TAFA5: variants seen among roughly 807,000 people sequenced by gnomAD.
The protein encoded by TAFA5 is TAFA chemokine like family member 5, also known as chemokine-like protein TAFA-5.
TAFA5 carries 6 observed loss-of-function variants against 15.3 expected under a neutral mutation model. The ratio of observed to expected loss-of-function variants is 0.39; its 90% CI spans 0.21 to 0.77. The LOEUF (loss-of-function observed/expected upper bound fraction) is 0.77, where lower values mean the gene tolerates loss of function less well. Among genes scored for constraint, TAFA5 ranks in the 30% least tolerant of loss-of-function variants. The pLI is 0.41. For missense variants in TAFA5, 161 were observed against 193.1 expected (o/e 0.83, Z 0.98); for synonymous variants, 103 against 80.7 (o/e 1.28, Z -1.48).
chr22:48,690,328 T>TG (rs1487643241), intron 2 of TAFA5, among the ~76,000 whole-genome samples: 5 of 151,792 alleles, frequency 3.3e-5, no homozygotes, highest in Admixed American at 1.3e-4. Context: ...TTCCAGAAAG[T>TG]GGGTCTGGGT....
At chr22:48,558,266 A>G (rs189974338) in intron 1 of TAFA5, among the ~76,000 whole-genome samples, 3 of 152,334 alleles carry the variant, frequency 2.0e-5, no homozygotes, top group African/African-American at 4.8e-5. Context: ...CCGGCAAATC[A>G]TCGTCTGCTT....
intron 2 of TAFA5, among the ~76,000 whole-genome samples, chr22:48,707,465 C>T (rs130146): frequency 0.66 from 99,959 of 152,026 alleles, 33,403 homozygotes; most frequent in Non-Finnish European, 0.72. Context: ...CTCTAGCTCC[C>T]TCGATCATTG....
Position 48,546,745 on chromosome 22 carries a change from G to A in TAFA5, c.112+57041G>A, listed in dbSNP as rs1922687421. Reference sequence around the variant, plus strand: ...ATGTTCCACACTCAAATGCCCCTCTGCAGTTCTGGAAAGGCTCACTAGGCC... The same window carrying A: ...ATGTTCCACACTCAAATGCCCCTCTACAGTTCTGGAAAGGCTCACTAGGCC... On this transcript the variant is annotated intron_variant, in intron 1 of 3. Coordinates refer to ENST00000402357, the MANE Select transcript of TAFA5 (RefSeq NM_001082967.3). 12 of 379,254 alleles carry A rather than the reference G, an allele frequency of 3.2e-5. 2 individuals carry two copies. The highest frequency in any genetic ancestry group is 2.4e-4 in the South Asian group (12 of 50,852). The allele number at this position is 379,254 out of a possible 1,614,324, so 23.5% of individuals were successfully genotyped here.
rs531568240 is a variant in TAFA5 at position 48,722,953 on chromosome 22, G to C, written c.390+15109G>C. On this transcript the variant is annotated intron_variant, in intron 3 of 3. Coordinates refer to ENST00000402357, the MANE Select transcript of TAFA5 (RefSeq NM_001082967.3). ...CCAGAAAGCCACGGAGGCTTCTATG[G>C]ACTTGCAGGGGAGCCCGTCTTCTCC... Among the ~76,000 whole-genome samples, 5 of 152,326 alleles carry C rather than the reference G, an allele frequency of 3.3e-5. No homozygotes were observed. The South Asian group carries it at 1.0e-3, about 32-fold the overall frequency.
intron 3 of TAFA5, among the ~76,000 whole-genome samples, chr22:48,739,251 TTTAAA>T (rs1353331308): frequency 2.6e-5 from 4 of 152,236 alleles, no homozygotes; most frequent in African/African-American, 4.8e-5. Flanking sequence ...TTTTCCCATA[TTTAAA>T]TTAAATATTT....
At chr22:48,686,352 C>T (rs573898396) in intron 2 of TAFA5, among the ~76,000 whole-genome samples, 1 of 152,302 alleles carries the variant, frequency 6.6e-6, no homozygotes, top group Admixed American at 6.5e-5. Context: ...TTCTGGTGAG[C>T]ACTCTCTTCT....
At chr22:48,623,033 A>C (rs1242687672) in intron 1 of TAFA5, among the ~76,000 whole-genome samples, 1 of 152,166 alleles carries the variant, frequency 6.6e-6, no homozygotes, top group Admixed American at 6.5e-5. Flanking sequence ...GGCCCTCTCC[A>C]TCTCTCTGTA....
At chr22:48,687,985 C>G (rs1475777736) in intron 2 of TAFA5, among the ~76,000 whole-genome samples, 1 of 147,558 alleles carries the variant, frequency 6.8e-6, no homozygotes, top group Non-Finnish European at 1.5e-5. Context: ...AGGAATTTGC[C>G]TGAGGAACAT....
intron 1 of TAFA5, among the ~76,000 whole-genome samples, chr22:48,595,676 CG>C (rs1437882028): frequency 6.6e-6 from 1 of 152,250 alleles, no homozygotes; most frequent in Non-Finnish European, 1.5e-5. Context: ...CTGCAGGGGA[CG>C]GGGTGCCTCT....
At chr22:48,740,850 AC>A (rs546042469) in intron 3 of TAFA5, among the ~76,000 whole-genome samples, 1 of 151,330 alleles carries the variant, frequency 6.6e-6, no homozygotes, top group Admixed American at 6.6e-5. Flanking sequence ...GAGCTCAGTG[AC>A]CCCCCGCCCT....
intron 2 of TAFA5, 85 bp from the exon 3 acceptor site, chr22:48,707,632 C>T: frequency 1.3e-6 from 2 of 1,511,640 alleles, no homozygotes; most frequent in South Asian, 1.3e-5. Context: ...CCCCCCCAGC[C>T]AGTGCCAGGA....
intron 1 of TAFA5, among the ~76,000 whole-genome samples, chr22:48,628,738 G>T (rs368849137): frequency 6.6e-6 from 1 of 152,204 alleles, no homozygotes; most frequent in Non-Finnish European, 1.5e-5. Flanking sequence ...AGGCCCCTTC[G>T]TAGGGTGTTT....
chr22:48,593,377 TACTG>T (rs776257094), intron 1 of TAFA5, among the ~76,000 whole-genome samples: 5 of 152,100 alleles, frequency 3.3e-5, no homozygotes, highest in Admixed American at 6.5e-5. Flanking sequence ...GGTCTCAAAT[TACTG>T]ATGGTGACCG....
chr22:48,555,491 G>A (rs924240565), intron 1 of TAFA5, among the ~76,000 whole-genome samples: 4 of 152,244 alleles, frequency 2.6e-5, no homozygotes, highest in Admixed American at 6.5e-5. Context: ...CTCTGACAAC[G>A]TAGGTCTCCA....
intron 1 of TAFA5, among the ~76,000 whole-genome samples, chr22:48,615,669 TC>T (rs1329518823): frequency 6.6e-6 from 1 of 152,204 alleles, no homozygotes; most frequent in African/African-American, 2.4e-5. Context: ...TCTAGACTGT[TC>T]CTGGGGTTCA....
intron 1 of TAFA5, chr22:48,576,705 C>T (rs1008454774): frequency 1.8e-6 from 2 of 1,088,994 alleles, no homozygotes; most frequent in Non-Finnish European, 1.2e-6. Flanking sequence ...CCACTGCGGG[C>T]CCGGAGCGGC....
chr22:48,630,503 T>G (rs968671183), intron 1 of TAFA5, among the ~76,000 whole-genome samples: 2 of 152,136 alleles, frequency 1.3e-5, no homozygotes, highest in African/African-American at 2.4e-5. Context: ...GTGTGCGCTG[T>G]TGTGTCCACA....
At chr22:48,746,685 G>A (rs889278416) in intron 3 of TAFA5, among the ~76,000 whole-genome samples, 7 of 152,284 alleles carry the variant, frequency 4.6e-5, no homozygotes, top group South Asian at 2.1e-4. Flanking sequence ...GGTGTGCCCC[G>A]CCCTGGGAAG....
intron 2 of TAFA5, among the ~76,000 whole-genome samples, chr22:48,653,515 C>A (rs1045870674): frequency 6.6e-6 from 1 of 152,204 alleles, no homozygotes; most frequent in Non-Finnish European, 1.5e-5. Flanking sequence ...CCGGCCCGAC[C>A]CATGGCTGTG....
Sources: gnomAD v4.1 joint callset for allele counts (sites outside exome capture counted in the v4.1 genomes callset) on GRCh38, gnomAD v4.1.1 for gene constraint, MANE v1.5 for transcripts, NCBI Gene and HGNC (gene_info 2026-07-23, HGNC 2026-07-21) for gene names.